Variants in ELP2 observed in about 807,000 individuals in gnomAD.
ELP2 encodes the protein elongator complex protein 2.
Under a neutral mutation model 119.2 loss-of-function variants are expected in ELP2, and 90 were observed. The ratio of observed to expected loss-of-function variants is 0.75; its 90% CI spans 0.64 to 0.90. The LOEUF is 0.90. Among genes scored for constraint, ELP2 ranks in the 40% least tolerant of loss-of-function variants. The pLI is 0.00. For missense variants in ELP2, 921 were observed against 967.8 expected (o/e 0.95, Z 0.64); for synonymous variants, 339 against 331.0 (o/e 1.02, Z -0.26).
intron 1 of ELP2, among the ~76,000 whole-genome samples, 194 bp downstream of exon 1, chr18:36,130,265 C>G (rs2089557647): frequency 6.6e-6 from 1 of 152,206 alleles, no homozygotes; most frequent in Non-Finnish European, 1.5e-5. Context: ...TGCCGTCTCA[C>G]GCGTGGCGTC....
Position 36,149,490 on chromosome 18 carries a change from T to G in ELP2, c.1125+3109T>G, listed in dbSNP as rs546627362. Among the ~76,000 whole-genome samples the G allele has an allele frequency of 5.7e-4, 83 of 146,512 alleles. 3 individuals are homozygous for G. The East Asian group carries it at 0.014, about 26-fold the overall frequency. ...TGCAGGGTTTTTTGTTTTGTTTTGT[T>G]TTTTTTTTTTTTGCTTAGAAATCAT... On this transcript the variant is annotated intron_variant, in intron 11 of 21. Coordinates refer to ENST00000358232, the MANE Select transcript of ELP2 (RefSeq NM_018255.4).
In ELP2 at chr18:36,171,172, C is replaced by A; in HGVS notation, c.2324+12C>A. 6.3e-7 allele frequency: 1 copy of A among 1,595,764 alleles called. No individual in the cohort carries two copies. The highest frequency in any genetic ancestry group is 8.6e-7 in the Non-Finnish European group (1 of 1,164,552). On this transcript the variant is annotated intron_variant, in intron 21 of 21. Transcript: ENST00000358232. The stretch of plus-strand genomic sequence containing the variant: ...GAAACAAGTCAAAGGTATTTCTTTC[C>A]TATTTTTGTTTCCATCAGATTAACT...
rs1568038831 is a variant in ELP2 at position 36,176,678 on chromosome 18, T to C, written c.*2037T>C. 6.6e-6 allele frequency: 1 copy of C among 152,234 alleles called. No individual in the cohort carries two copies. The highest frequency in any genetic ancestry group is 1.5e-5 in the Non-Finnish European group (1 of 68,042). The allele number at this position is 152,234 out of a possible 1,614,324, so 9.4% of individuals were successfully genotyped here. On this transcript the variant is annotated 3_prime_UTR_variant, in exon 22 of 22. Transcript: ENST00000358232. ...TCATATGTGTTTACACATTTGTGTC[T>C]TCATCTGCTAAAGCACCTTTGAACC...
intron 9 of ELP2, chr18:36,145,248 C>T: frequency 1.9e-6 from 1 of 519,332 alleles, no homozygotes; most frequent in African/African-American, 1.9e-5. Context: ...GTAATTCCTG[C>T]CATGATGCTG....
chr18:36,139,731 A>T (rs1326246884), intron 5 of ELP2: 1 of 834,844 alleles, frequency 1.2e-6, no homozygotes, highest in Non-Finnish European at 1.8e-6. Flanking sequence ...AAAGTCTCTT[A>T]TCTAGCAGAG....
intron 19 of ELP2, among the ~76,000 whole-genome samples, chr18:36,169,639 C>T (rs950686456): frequency 2.2e-4 from 34 of 152,146 alleles, no homozygotes; most frequent in African/African-American, 7.5e-4. Flanking sequence ...CCACCCACCT[C>T]GGCCTCCCAG....
At position 36,178,459 on chromosome 18, in the gene ELP2, A is replaced by G. The variant is rs1782379663; in HGVS notation, c.*3818A>G. ...ATTGAAAGATACTTGAGACGTGTGA[A>G]TCCAGTGCAATGTATGAACCTTGTT... On this transcript the variant is annotated 3_prime_UTR_variant, in exon 22 of 22. Transcript: ENST00000358232. 1 of 152,188 alleles carries G rather than the reference A, an allele frequency of 6.6e-6. No homozygotes were observed. Among genetic ancestry groups the G allele is most frequent in the Non-Finnish European group, 1.5e-5 (1 of 68,042 alleles). The allele number at this position is 152,188 out of a possible 1,614,324, so 9.4% of individuals were successfully genotyped here. A position where few individuals can be genotyped will look rare whatever the true frequency, so the allele number is the denominator to read the frequency against.
chr18:36,170,111 A>G lies in ELP2; in HGVS notation c.2125A>G (p.Asn709Asp), dbSNP rs1202482184. Residue 709 changes from asparagine (N) to aspartate (D), a missense_variant, in exon 20 of 22, where the codon AAC becomes GAC. Coordinates refer to ENST00000358232, the MANE Select transcript of ELP2 (RefSeq NM_018255.4). The part of the protein sequence containing the change: ...CDSTDDCIEH[N>D]IGPCSSVLDV... ...CTCCACTGATGACTGTATTGAGCACAACATTGGCCCCTGCTCCTCAGTCCT... is the reference window on the plus strand; with the variant it reads ...CTCCACTGATGACTGTATTGAGCACGACATTGGCCCCTGCTCCTCAGTCCT... 16 of 1,614,032 alleles carry G rather than the reference A, an allele frequency of 9.9e-6. No homozygotes were observed. Among genetic ancestry groups the G allele is most frequent in the Non-Finnish European group, 1.0e-5 (12 of 1,180,022 alleles).
intron 9 of ELP2, among the ~76,000 whole-genome samples, chr18:36,145,742 C>T (rs1789547): frequency 0.31 from 47,231 of 152,130 alleles, 7,819 homozygotes; most frequent in Middle Eastern, 0.42. Context: ...TTTTATTGCA[C>T]GGTAGTAGTC....
intron 14 of ELP2, 121 bp from the exon 15 acceptor site, chr18:36,159,614 A>C: frequency 2.6e-6 from 2 of 767,856 alleles, no homozygotes; most frequent in Non-Finnish European, 4.6e-6. Context: ...TCACATGGAC[A>C]CAGCTGTGAA....
At chr18:36,151,288 G>A (rs2090391507) in intron 11 of ELP2, among the ~76,000 whole-genome samples, 1 of 151,672 alleles carries the variant, frequency 6.6e-6, no homozygotes, top group South Asian at 2.1e-4. Flanking sequence ...TCACCATGTT[G>A]CCCAGGCTGG....
At chr18:36,147,219 G>A (rs983071728) in intron 11 of ELP2, among the ~76,000 whole-genome samples, 2 of 151,324 alleles carry the variant, frequency 1.3e-5, no homozygotes, top group African/African-American at 4.9e-5. Flanking sequence ...GACTACAGGT[G>A]CACCTCACCA....
intron 1 of ELP2, among the ~76,000 whole-genome samples, chr18:36,132,977 G>A (rs2089686507): frequency 6.6e-6 from 1 of 152,128 alleles, no homozygotes; most frequent in South Asian, 2.1e-4. Flanking sequence ...AGAAGCAGGT[G>A]GGTGGATGCA....
At chr18:36,147,985 G>A (rs1429613574) in intron 11 of ELP2, among the ~76,000 whole-genome samples, 1 of 152,044 alleles carries the variant, frequency 6.6e-6, no homozygotes, top group Non-Finnish European at 1.5e-5. Flanking sequence ...CATGTGCTTA[G>A]CTATTCGGAA....
chr18:36,164,884 A>G (rs1568020290), intron 18 of ELP2: 1 of 571,122 alleles, frequency 1.8e-6, no homozygotes, highest in South Asian at 2.0e-5. Context: ...ACTTGTGATT[A>G]TGTAGTCAAG....
chr18:36,149,425 C>G (rs767159609), intron 11 of ELP2, among the ~76,000 whole-genome samples: 1 of 150,258 alleles, frequency 6.7e-6, no homozygotes, highest in Non-Finnish European at 1.5e-5. Flanking sequence ...CCATTCCCGT[C>G]ATGCCTTAGG....
chr18:36,156,424 C>G lies in ELP2; in HGVS notation c.1276-42C>G, dbSNP rs762355366. On this transcript the variant is annotated intron_variant, in intron 12 of 21. Transcript: ENST00000358232. ...TCTAATAATTTGCTTATTGAAAATT[C>G]AGCTTTTGAATGATCATTTTTGTTT... The G allele has an allele frequency of 1.3e-5, 21 of 1,589,896 alleles. No homozygotes were observed. In the Admixed American group the frequency reaches 1.8e-4, roughly 14 times the overall value.
rs143625166 is a variant in ELP2 at position 36,177,420 on chromosome 18, C to G, written c.*2779C>G. ...AGCCAGTCACTGGAAGACAAATACT[C>G]TATGCTTCCATTTATGTGAAGTATC... On this transcript the variant is annotated 3_prime_UTR_variant, in exon 22 of 22. Coordinates refer to ENST00000358232, the MANE Select transcript of ELP2 (RefSeq NM_018255.4). 6.6e-6 allele frequency: 1 copy of G among 152,176 alleles called. No homozygotes were observed. Among genetic ancestry groups the G allele is most frequent in the Non-Finnish European group, 1.5e-5 (1 of 68,028 alleles). The allele number at this position is 152,176 out of a possible 1,614,324, so 9.4% of individuals were successfully genotyped here.
chr18:36,133,736 A>T (rs56145438), intron 2 of ELP2, among the ~76,000 whole-genome samples: 19,105 of 145,442 alleles, frequency 0.13, 1,395 homozygotes, highest in East Asian at 0.22. Context: ...TTATTTATTT[A>T]TTTTTTTTTT....
Sources: gnomAD v4.1 joint callset for allele counts (sites outside exome capture counted in the v4.1 genomes callset) on GRCh38, gnomAD v4.1.1 for gene constraint, MANE v1.5 for transcripts, NCBI Gene and HGNC (gene_info 2026-07-23, HGNC 2026-07-21) for gene names.